DNER: variants seen among roughly 807,000 people sequenced by gnomAD.
The protein encoded by DNER is delta and Notch-like epidermal growth factor-related receptor.
Under a neutral mutation model 78.2 loss-of-function variants are expected in DNER, and 33 were observed. The ratio of observed to expected loss-of-function variants is 0.42; its 90% confidence interval spans 0.32 to 0.56. The LOEUF (loss-of-function observed/expected upper bound fraction) is 0.56. Among genes scored for constraint, DNER ranks in the 20% least tolerant of loss-of-function variants. DNER has a pLI of 0.11. For missense variants in DNER, 918 were observed against 975.3 expected (o/e 0.94, Z 0.78); for synonymous variants, 417 against 384.8 (o/e 1.08, Z -0.98).
intron 7 of DNER, among the ~76,000 whole-genome samples, chr2:229,450,461 C>A (rs6714349): frequency 0.036 from 5,410 of 152,236 alleles, 132 homozygotes; most frequent in Middle Eastern, 0.092. Context: ...GGTTAAATTG[C>A]GTCCCTCCAA....
chr2:229,574,628 C>A (rs895788549), intron 4 of DNER, among the ~76,000 whole-genome samples: 1 of 152,066 alleles, frequency 6.6e-6, no homozygotes. Flanking sequence ...GGAGAAGAAA[C>A]CAGTTTTTCT....
chr2:229,554,912 G>A (rs55922105), intron 4 of DNER, among the ~76,000 whole-genome samples: 42 of 62,274 alleles, frequency 6.7e-4, no homozygotes, highest in East Asian at 1.5e-3. Flanking sequence ...GAAGAGAAGA[G>A]AAGAGAAGAG....
At chr2:229,421,445 T>A (rs1036472260) in intron 8 of DNER, among the ~76,000 whole-genome samples, 3 of 150,352 alleles carry the variant, frequency 2.0e-5, no homozygotes, top group Non-Finnish European at 4.4e-5. Context: ...ACTATATATA[T>A]AAATATATAT....
chr2:229,457,443 G>A (rs1694600678), intron 7 of DNER, among the ~76,000 whole-genome samples: 4 of 151,910 alleles, frequency 2.6e-5, no homozygotes, highest in African/African-American at 9.7e-5. Flanking sequence ...ATTAAATATT[G>A]ATTCTAAGTA....
intron 12 of DNER, among the ~76,000 whole-genome samples, chr2:229,362,144 A>G (rs1040684787): frequency 1.3e-5 from 2 of 152,190 alleles, no homozygotes; most frequent in Middle Eastern, 3.2e-3. Context: ...TAGCCCCTCG[A>G]GGGGTGATGC....
intron 4 of DNER, among the ~76,000 whole-genome samples, chr2:229,565,566 G>C (rs191752415): frequency 3.9e-5 from 6 of 152,244 alleles, no homozygotes; most frequent in Admixed American, 2.6e-4. Flanking sequence ...AGACAGATTG[G>C]TTGGCATAAT....
At position 229,684,210 on chromosome 2, in the gene DNER, G is replaced by T. The variant is rs183860811; in HGVS notation, c.276+29938C>A. ...TGTGTGTGTGTGTGTGTGTGTGTGT[G>T]TTGGGGCTAAGGAAAGGCACAGTGT... On this transcript the variant is annotated intron_variant, in intron 1 of 12. Transcript: ENST00000341772. 5.7e-3 allele frequency among the ~76,000 whole-genome samples: 814 copies of T among 141,914 alleles called. 4 individuals carry two copies. Among genetic ancestry groups the T allele is most frequent in the Middle Eastern group, 0.04 (11 of 274 alleles). The allele number at this position is 141,914 out of a possible 152,430, so 93.1% of individuals were successfully genotyped here. A position where few individuals can be genotyped will look rare whatever the true frequency, so the allele number is the denominator to read the frequency against.
chr2:229,568,888 A>G (rs1332700693), intron 4 of DNER, among the ~76,000 whole-genome samples: 5 of 152,110 alleles, frequency 3.3e-5, no homozygotes, highest in Non-Finnish European at 5.9e-5. Context: ...TTCTTTTATA[A>G]TGATCTATTA....
chr2:229,451,416 C>T (rs1694455175), intron 7 of DNER, among the ~76,000 whole-genome samples: 1 of 152,326 alleles, frequency 6.6e-6, no homozygotes, highest in South Asian at 2.1e-4. Flanking sequence ...GAGATAGTGC[C>T]ACTGCACTAC....
intron 1 of DNER, among the ~76,000 whole-genome samples, chr2:229,638,094 G>A (rs984975951): frequency 6.6e-6 from 1 of 152,120 alleles, no homozygotes; most frequent in South Asian, 2.1e-4. Context: ...TAATACGAGA[G>A]AGGGAAAAAA....
At chr2:229,583,791 T>C (rs1023825438) in intron 4 of DNER, among the ~76,000 whole-genome samples, 1 of 152,238 alleles carries the variant, frequency 6.6e-6, no homozygotes, top group African/African-American at 2.4e-5. Flanking sequence ...GAAATTCAGA[T>C]TTGATTCTTG....
intron 11 of DNER, among the ~76,000 whole-genome samples, chr2:229,384,626 T>C (rs1023301147): frequency 1.3e-5 from 2 of 152,076 alleles, no homozygotes; most frequent in Non-Finnish European, 2.9e-5. Flanking sequence ...GAGAATACTA[T>C]AAACACCTCT....
intron 6 of DNER, among the ~76,000 whole-genome samples, chr2:229,502,728 C>T (rs184722184): frequency 2.6e-5 from 4 of 152,302 alleles, no homozygotes. Flanking sequence ...TAATGTCCAA[C>T]AATGGGTAGA....
chr2:229,365,930 A>G (rs1230058601), intron 12 of DNER, among the ~76,000 whole-genome samples: 1 of 152,200 alleles, frequency 6.6e-6, no homozygotes, highest in Non-Finnish European at 1.5e-5. Context: ...AACAAACAAT[A>G]TTGCTATTTT....
At chr2:229,629,769 C>T (rs1387654984) in intron 1 of DNER, among the ~76,000 whole-genome samples, 1 of 152,222 alleles carries the variant, frequency 6.6e-6, no homozygotes, top group Admixed American at 6.5e-5. Context: ...AGTGAGGTGG[C>T]ATTCTGAATA....
intron 4 of DNER, among the ~76,000 whole-genome samples, chr2:229,551,857 G>A (rs1179029004): frequency 6.6e-6 from 1 of 151,516 alleles, no homozygotes; most frequent in Admixed American, 6.6e-5. Flanking sequence ...ACTTGAACCC[G>A]GGAGGCGGAG....
chr2:229,520,726 T>C (rs1285415879), intron 5 of DNER, among the ~76,000 whole-genome samples: 1 of 152,208 alleles, frequency 6.6e-6, no homozygotes, highest in Non-Finnish European at 1.5e-5. Context: ...CCCCATGGAA[T>C]CTGCCATTGC....
At chr2:229,430,908 A>T (rs1239714621) in intron 8 of DNER, among the ~76,000 whole-genome samples, 1 of 152,060 alleles carries the variant, frequency 6.6e-6, no homozygotes, top group South Asian at 2.1e-4. Context: ...TTTTTAGTGG[A>T]GAGATAAGAA....
chr2:229,513,935 ACTCT>A (rs201778098), intron 5 of DNER, among the ~76,000 whole-genome samples: 2,263 of 150,350 alleles, frequency 0.015, 60 homozygotes, highest in African/African-American at 0.053. Context: ...TTAGAAAGAG[ACTCT>A]CTCCTCTTCT....
Sources: allele counts gnomAD v4.1 joint callset (sites outside exome capture counted in the v4.1 genomes callset), GRCh38; gene constraint gnomAD v4.1.1; transcripts MANE v1.5; gene names NCBI Gene and HGNC (gene_info 2026-07-23, HGNC 2026-07-21).